The following GABPB1 variants were observed in gnomAD, a reference collection of about 807,000 sequenced individuals.
The protein encoded by GABPB1 is GA binding protein transcription factor subunit beta 1, also known as GA-binding protein subunit beta-1.
GABPB1 carries 15 observed loss-of-function variants against 45.9 expected under a neutral mutation model. That is an observed-to-expected ratio of 0.33 (90% CI 0.22 to 0.50). GABPB1 has a LOEUF of 0.50. GABPB1 is among the 20% of genes least tolerant of loss of function. GABPB1 has a pLI of 0.98. For synonymous variants in GABPB1, 143 were observed against 154.4 expected (o/e 0.93, Z 0.55); for missense variants, 252 against 457.5 (o/e 0.55, Z 4.10).
intron 1 of GABPB1, among the ~76,000 whole-genome samples, chr15:50,329,414 T>A (rs1028090008): frequency 3.3e-5 from 5 of 152,238 alleles, no homozygotes; most frequent in Non-Finnish European, 7.3e-5. Context: ...TGATTCGTAA[T>A]CATTCACATA....
intron 4 of GABPB1, 116 bp from the exon 5 acceptor site, chr15:50,301,484 C>T: frequency 1.1e-6 from 1 of 941,302 alleles, no homozygotes. Context: ...TCACATAGTA[C>T]AAGTGGAAAT....
chr15:50,285,999 A>G, intron 8 of GABPB1, 69 bp downstream of exon 8: 2 of 1,580,622 alleles, frequency 1.3e-6, no homozygotes, highest in Non-Finnish European at 1.7e-6. Context: ...TAATAAATAT[A>G]AAAGACAAAA....
intron 1 of GABPB1, among the ~76,000 whole-genome samples, chr15:50,330,728 G>A (rs1236003276): frequency 6.6e-6 from 1 of 152,128 alleles, no homozygotes; most frequent in Non-Finnish European, 1.5e-5. Context: ...TTTCTAAGAT[G>A]AGCTCTTAAA....
chr15:50,283,475 T>A (rs2046055410), intron 8 of GABPB1, among the ~76,000 whole-genome samples: 1 of 152,024 alleles, frequency 6.6e-6, no homozygotes. Flanking sequence ...AACCTCTCCA[T>A]TGTTAGTTGG....
intron 8 of GABPB1, among the ~76,000 whole-genome samples, chr15:50,279,574 C>T (rs756829694): frequency 3.3e-5 from 5 of 152,202 alleles, no homozygotes; most frequent in Non-Finnish European, 7.3e-5. Context: ...ATTGTTTCTC[C>T]TCTTCCTCCT....
In GABPB1 at chr15:50,304,256, G is replaced by A. The variant is rs1413343665; in HGVS notation, c.109-123C>T. 6.2e-6 allele frequency: 4 copies of A among 645,834 alleles called. No homozygotes were observed. In the African/African-American group the frequency reaches 7.5e-5, roughly 12 times the overall value. The allele number at this position is 645,834 out of a possible 1,614,324, so 40.0% of individuals were successfully genotyped here. A position where few individuals can be genotyped will look rare whatever the true frequency, so the allele number is the denominator to read the frequency against. ...TAGCAACTCAAAACTCAAAAGAAATGCCTAGATTCATGCTTATCACATCCT... is the reference window on the plus strand; with the variant it reads ...TAGCAACTCAAAACTCAAAAGAAATACCTAGATTCATGCTTATCACATCCT... On this transcript the variant is annotated intron_variant, in intron 2 of 8. Coordinates refer to ENST00000380877, the MANE Select transcript of GABPB1 (RefSeq NM_016654.5).
chr15:50,338,851 T>A (rs893095010), intron 1 of GABPB1, among the ~76,000 whole-genome samples: 2 of 152,204 alleles, frequency 1.3e-5, no homozygotes, highest in South Asian at 4.1e-4. Context: ...TTTCTTTGAA[T>A]TTCAGACATC....
chr15:50,326,587 G>T (rs1016176912), intron 1 of GABPB1, among the ~76,000 whole-genome samples: 1 of 152,146 alleles, frequency 6.6e-6, no homozygotes. Flanking sequence ...GCTAGAACCC[G>T]GAAGGCAGAG....
chr15:50,308,852 G>T (rs1311418924), intron 2 of GABPB1, among the ~76,000 whole-genome samples: 3 of 152,090 alleles, frequency 2.0e-5, no homozygotes, highest in Non-Finnish European at 4.4e-5. Context: ...TGGATAAAAT[G>T]ATATGGTCCC....
chr15:50,285,628 T>C (rs1334350010), intron 8 of GABPB1, among the ~76,000 whole-genome samples: 1 of 152,156 alleles, frequency 6.6e-6, no homozygotes, highest in Non-Finnish European at 1.5e-5. Context: ...AATTATCTAC[T>C]GCTTTTAAAA....
intron 1 of GABPB1, among the ~76,000 whole-genome samples, chr15:50,313,032 C>G (rs1199902625): frequency 6.6e-6 from 1 of 151,970 alleles, no homozygotes; most frequent in African/African-American, 2.4e-5. Flanking sequence ...ACTGTTGAGT[C>G]TCATAAAAAT....
chr15:50,317,976 A>T (rs1203459192), intron 1 of GABPB1, among the ~76,000 whole-genome samples: 1 of 152,012 alleles, frequency 6.6e-6, no homozygotes, highest in Non-Finnish European at 1.5e-5. Context: ...TATGACTCCA[A>T]GTAAAATTTA....
In GABPB1 at chr15:50,302,958, C is replaced by T. The variant is rs762811389; in HGVS notation, c.442G>A (p.Gly148Arg). The T allele has an allele frequency of 1.4e-5, 22 of 1,612,372 alleles. No individual in the cohort carries two copies. The highest frequency in any genetic ancestry group is 1.8e-5 in the Non-Finnish European group (21 of 1,179,082). ...AATATCTCTGCTAAATCTTCATTTCCATTGTCTATTGAAATATCAAATGCA... is the reference window on the plus strand; with the variant it reads ...AATATCTCTGCTAAATCTTCATTTCTATTGTCTATTGAAATATCAAATGCA... ...KTAFDISIDNGNEDLAEILQI... is the reference protein window; with the variant it reads ...KTAFDISIDNRNEDLAEILQI... Residue 148 changes from glycine (G) to arginine (R), a missense_variant, in exon 4 of 9, where the codon GGA (glycine) becomes AGA (arginine). Coordinates refer to ENST00000380877, the MANE Select transcript of GABPB1 (RefSeq NM_016654.5).
At chr15:50,345,008 A>T (rs991228772) in intron 1 of GABPB1, among the ~76,000 whole-genome samples, 1 of 152,202 alleles carries the variant, frequency 6.6e-6, no homozygotes, top group Non-Finnish European at 1.5e-5. Context: ...AATATCCAGT[A>T]AACTACTGGA....
At chr15:50,313,991 AAT>A (rs2047220818) in intron 1 of GABPB1, among the ~76,000 whole-genome samples, 1 of 152,164 alleles carries the variant, frequency 6.6e-6, no homozygotes, top group Non-Finnish European at 1.5e-5. Context: ...GGGAACTTAA[AAT>A]ATCAATCATA....
At position 50,303,019 on chromosome 15, in the gene GABPB1, A is replaced by C; in HGVS notation, c.381T>G (p.Gly127=). ...QEVVELLIKY[G]ADVHTQSKFC... is the part of the protein sequence containing the mutation. Reference sequence around the variant, plus strand: ...ATTTACTTTGCGTGTGTACATCAGCACCATATTTGATTAAAAGTTCCACCA... The same window carrying C: ...ATTTACTTTGCGTGTGTACATCAGCCCCATATTTGATTAAAAGTTCCACCA... The change falls in exon 4 of 9, where the codon GGT becomes GGG. Residue 127 remains glycine, a synonymous_variant. Transcript: ENST00000380877. The C allele has an allele frequency of 6.2e-7, 1 of 1,613,860 alleles. No individual in the cohort carries two copies. Among genetic ancestry groups the C allele is most frequent in the Non-Finnish European group, 8.5e-7 (1 of 1,179,808 alleles).
At chr15:50,285,209 G>A (rs1235688247) in intron 8 of GABPB1, among the ~76,000 whole-genome samples, 1 of 152,060 alleles carries the variant, frequency 6.6e-6, no homozygotes, top group Non-Finnish European at 1.5e-5. Context: ...TGACTATGCT[G>A]ACTTTTTCAA....
At chr15:50,329,906 CTT>C (rs537896986) in intron 1 of GABPB1, among the ~76,000 whole-genome samples, 1 of 145,426 alleles carries the variant, frequency 6.9e-6, no homozygotes, top group African/African-American at 2.5e-5. Flanking sequence ...TCCACTCTTA[CTT>C]TTTTTTTTTT....
chr15:50,306,634 A>G (rs2046959451), intron 2 of GABPB1, among the ~76,000 whole-genome samples: 1 of 151,898 alleles, frequency 6.6e-6, no homozygotes, highest in African/African-American at 2.4e-5. Context: ...CTCAAAAAAA[A>G]AAAAAAAAAA....
Sources: allele counts gnomAD v4.1 joint callset (sites outside exome capture counted in the v4.1 genomes callset), GRCh38; gene constraint gnomAD v4.1.1; transcripts MANE v1.5; gene names NCBI Gene and HGNC (gene_info 2026-07-23, HGNC 2026-07-21).